The following GDA variants were observed in gnomAD, a reference collection of about 807,000 sequenced individuals.
The protein encoded by GDA is guanine deaminase.
In GDA, 18 loss-of-function variants were observed where a neutral mutation model predicts 59.6. That is an observed-to-expected ratio of 0.30 (90% CI 0.21 to 0.45). The LOEUF is 0.45. Among genes scored for constraint, GDA ranks in the 20% least tolerant of loss-of-function variants. The probability of loss-of-function intolerance (pLI) is 1.00; values close to 1 mark genes in which losing one functional copy is unlikely to be tolerated. For synonymous variants in GDA, 201 were observed against 201.1 expected (o/e 1.00, Z 0.00); for missense variants, 427 against 552.3 (o/e 0.77, Z 2.27).
In GDA at chr9:72,227,943, A is replaced by T; in HGVS notation, c.823A>T (p.Thr275Ser). 6.3e-7 allele frequency: 1 copy of T among 1,575,972 alleles called. No homozygotes were observed. Among genetic ancestry groups the T allele is most frequent in the Non-Finnish European group, 8.7e-7 (1 of 1,146,452 alleles). The part of the protein sequence containing the change: ...YDKNNLLTNK[T>S]VMAHGCYLSA... ...CCACGTAGGGCACTCTTCTCTCCAG[A>T]CAGTGATGGCACACGGCTGCTACCT... Residue 275 changes from threonine to serine, a missense_variant and splice_region_variant, in exon 9 of 14, where the codon ACA becomes TCA. Thr to Ser is a moderately conservative substitution (Grantham distance 58, BLOSUM62 1). Transcript: ENST00000358399.
chr9:72,223,324 G>T, intron 7 of GDA, 97 bp downstream of exon 7: 1 of 691,358 alleles, frequency 1.4e-6, no homozygotes, highest in South Asian at 1.8e-5. Flanking sequence ...TTGTTTTACT[G>T]AGTAATCTGT....
intron 1 of GDA, among the ~76,000 whole-genome samples, chr9:72,139,121 C>T (rs1826351334): frequency 6.6e-6 from 1 of 152,092 alleles, no homozygotes; most frequent in South Asian, 2.1e-4. Context: ...TTAAGGTTAG[C>T]AAGTAAAAAT....
intron 1 of GDA, among the ~76,000 whole-genome samples, chr9:72,118,165 G>A (rs922845154): frequency 6.6e-6 from 1 of 150,454 alleles, no homozygotes; most frequent in Admixed American, 6.6e-5. Context: ...CCAGCTACTC[G>A]GGAGGCTGAG....
At chr9:72,129,995 G>A (rs1366521691) in intron 1 of GDA, among the ~76,000 whole-genome samples, 1 of 152,122 alleles carries the variant, frequency 6.6e-6, no homozygotes, top group African/African-American at 2.4e-5. Context: ...GATGACTTGT[G>A]CTTGCCAGAC....
chr9:72,164,721 C>G (rs1040349487), intron 1 of GDA, among the ~76,000 whole-genome samples: 1 of 151,114 alleles, frequency 6.6e-6, no homozygotes, highest in Non-Finnish European at 1.5e-5. Flanking sequence ...CAGTGGCTCA[C>G]GCCTGTAATC....
chr9:72,156,600 T>C (rs899029153), intron 1 of GDA, among the ~76,000 whole-genome samples: 12 of 152,242 alleles, frequency 7.9e-5, no homozygotes, highest in African/African-American at 2.9e-4. Flanking sequence ...TTGTTCAGAA[T>C]GCTCATGGCA....
chr9:72,198,554 A>G (rs1833496559), intron 2 of GDA, among the ~76,000 whole-genome samples: 1 of 151,610 alleles, frequency 6.6e-6, no homozygotes, highest in African/African-American at 2.4e-5. Flanking sequence ...AAATTAATGC[A>G]AAAACTCATG....
At chr9:72,220,900 A>G (rs1170538077) in intron 6 of GDA, among the ~76,000 whole-genome samples, 1 of 152,018 alleles carries the variant, frequency 6.6e-6, no homozygotes, top group Non-Finnish European at 1.5e-5. Flanking sequence ...GCCTGTGGAG[A>G]CAATGCTGTT....
At chr9:72,180,066 T>A in intron 1 of GDA, among the ~76,000 whole-genome samples, 1 of 151,924 alleles carries the variant, frequency 6.6e-6, no homozygotes, top group Non-Finnish European at 1.5e-5. Flanking sequence ...CAAGTTTTTT[T>A]AAAAATGGCC....
At chr9:72,230,553 A>G (rs1416596914) in intron 9 of GDA, among the ~76,000 whole-genome samples, 2 of 151,552 alleles carry the variant, frequency 1.3e-5, no homozygotes, top group Non-Finnish European at 1.5e-5. Flanking sequence ...CAGAGTCACA[A>G]GGTCCCAAAT....
intron 1 of GDA, among the ~76,000 whole-genome samples, chr9:72,184,691 G>T (rs1175939294): frequency 1.3e-5 from 2 of 152,122 alleles, no homozygotes; most frequent in Admixed American, 1.3e-4. Flanking sequence ...ATACTTGTAA[G>T]CCACCAGAGT....
intron 4 of GDA, among the ~76,000 whole-genome samples, chr9:72,213,529 C>A (rs986858921): frequency 6.6e-6 from 1 of 151,938 alleles, no homozygotes; most frequent in Non-Finnish European, 1.5e-5. Context: ...TTTGGCCGGG[C>A]GCGGTGGCTC....
chr9:72,212,267 G>T (rs996114722), intron 4 of GDA, among the ~76,000 whole-genome samples: 1 of 152,160 alleles, frequency 6.6e-6, no homozygotes, highest in Admixed American at 6.5e-5. Flanking sequence ...CGGATCATGA[G>T]GTCGGGAGAT....
At chr9:72,170,688 G>C (rs80098810) in intron 1 of GDA, among the ~76,000 whole-genome samples, 5,842 of 152,140 alleles carry the variant, frequency 0.038, 406 homozygotes, top group African/African-American at 0.13. Context: ...AAATCAGCAA[G>C]AGCTACAAGT....
intron 1 of GDA, among the ~76,000 whole-genome samples, chr9:72,165,909 A>C (rs535447532): frequency 1.3e-4 from 20 of 151,854 alleles, no homozygotes; most frequent in Admixed American, 6.6e-4. Context: ...AAAAAAAAAA[A>C]AACAACAAAA....
chr9:72,244,739 A>C (rs932970454), intron 11 of GDA, among the ~76,000 whole-genome samples: 1 of 152,074 alleles, frequency 6.6e-6, no homozygotes, highest in Admixed American at 6.6e-5. Context: ...CAGAAAGAAC[A>C]AAAAAAAGCA....
chr9:72,230,942 C>T (rs1048032451), intron 9 of GDA, among the ~76,000 whole-genome samples, 172 bp from the exon 10 acceptor site: 1 of 152,090 alleles, frequency 6.6e-6, no homozygotes, highest in Non-Finnish European at 1.5e-5. Context: ...TTTTATGATC[C>T]TGTTTACTCC....
chr9:72,149,486 CAG>C lies in GDA; in HGVS notation c.-69_-68del, dbSNP rs1016210503. On this transcript the variant is annotated 5_prime_UTR_variant, in exon 1 of 14. Coordinates refer to ENST00000358399, the MANE Select transcript of GDA (RefSeq NM_004293.5). ...TCCGCCCGGCAGCCGCCCGCAGCTG[CAG>C]AGAGTCCCGCTGCGTCTCCGCCGCG... 47 of 1,561,966 alleles carry C rather than the reference CAG, an allele frequency of 3.0e-5. No homozygotes were observed. Among genetic ancestry groups the C allele is most frequent in the Non-Finnish European group, 3.6e-5 (42 of 1,152,746 alleles).
At chr9:72,138,792 C>G (rs1826337696) in intron 1 of GDA, among the ~76,000 whole-genome samples, 1 of 152,164 alleles carries the variant, frequency 6.6e-6, no homozygotes, top group Admixed American at 6.5e-5. Context: ...GAATACCTGG[C>G]ATATACAAGG....
Sources: gnomAD v4.1 joint callset for allele counts (sites outside exome capture counted in the v4.1 genomes callset) on GRCh38, gnomAD v4.1.1 for gene constraint, MANE v1.5 for transcripts, NCBI Gene and HGNC (gene_info 2026-07-23, HGNC 2026-07-21) for gene names.